RNF213: variants seen among roughly 807,000 people sequenced by gnomAD.
RNF213 encodes the protein ring finger protein 213, also known as E3 ubiquitin-protein ligase RNF213.
Under a neutral mutation model 514.4 loss-of-function variants are expected in RNF213, and 341 were observed. The observed-to-expected ratio is 0.66, with a 90% CI of 0.61 to 0.73. The LOEUF (loss-of-function observed/expected upper bound fraction) is 0.73, where lower values mean the gene tolerates loss of function less well. Ranked by LOEUF, RNF213 falls within the 30% of genes least tolerant of loss-of-function variation. RNF213 has a pLI of 0.00. For synonymous variants in RNF213, 2,655 were observed against 2,658.2 expected, an observed-to-expected ratio of 1.00 and a Z score of 0.04; for missense variants, 5,767 against 6,615.6, an observed-to-expected ratio of 0.87 and a Z score of 4.45.
chr17:80,331,390 CTT>C lies in RNF213; in HGVS notation c.3518-601_3518-600del, dbSNP rs35912728. On this transcript the variant is annotated intron_variant, in intron 20 of 67. Transcript: ENST00000582970. ...TCCTCCTGTCCTTGTCAGTTTATGA[CTT>C]TTTTTTTTTTTTTTGATATGGAGTC... Among the ~76,000 whole-genome samples, 1,083 of 136,302 alleles carry C rather than the reference CTT, an allele frequency of 7.9e-3. 13 individuals carry two copies. Among genetic ancestry groups the C allele is most frequent in the African/African-American group, 0.028 (1,021 of 36,732 alleles). The allele number at this position is 136,302 out of a possible 152,430, so 89.4% of individuals were successfully genotyped here.
At chr17:80,274,123 G>A (rs979371700) in intron 3 of RNF213, among the ~76,000 whole-genome samples, 6 of 152,138 alleles carry the variant, frequency 3.9e-5, no homozygotes, top group Admixed American at 3.9e-4. Flanking sequence ...TTGCGCTTCT[G>A]TAGGCCTCTG....
chr17:80,374,622 A>C, intron 50 of RNF213, 33 bp downstream of exon 50: 2 of 1,612,994 alleles, frequency 1.2e-6, no homozygotes, highest in South Asian at 2.2e-5. Flanking sequence ...CTCTGATACC[A>C]GGTGGCATCC....
At chr17:80,392,988 C>CT (rs138848873) in intron 67 of RNF213, among the ~76,000 whole-genome samples, 6,490 of 148,596 alleles carry the variant, frequency 0.044, 207 homozygotes, top group Middle Eastern at 0.085. Context: ...ATATGGGAGC[C>CT]TTTTTTTTTG....
chr17:80,263,907 T>A lies in RNF213; in HGVS notation c.97+129T>A. On this transcript the variant is annotated intron_variant, in intron 2 of 67. Transcript: ENST00000582970. The surrounding 1 kb of genome is among the most constrained non-coding windows in gnomAD (Gnocchi z 4.9). ...TGGGGCCGAGGTCCTCTGTGGCTACTGAGGCTCTGTGGCTCTGAATAGCCA... is the reference window on the plus strand; with the variant it reads ...TGGGGCCGAGGTCCTCTGTGGCTACAGAGGCTCTGTGGCTCTGAATAGCCA... 1 of 712,978 alleles carries A rather than the reference T, an allele frequency of 1.4e-6. No homozygotes were observed. Among genetic ancestry groups the A allele is most frequent in the Non-Finnish European group, 2.5e-6 (1 of 404,784 alleles). 44.2% of individuals were successfully genotyped at this position (712,978 alleles called of 1,614,324 possible).
intron 46 of RNF213, 74 bp downstream of exon 46, chr17:80,369,941 T>G: frequency 1.9e-6 from 2 of 1,069,766 alleles, no homozygotes; most frequent in East Asian, 2.4e-5. Context: ...TGTTACCAAG[T>G]CTTCTTGTCG....
chr17:80,340,415 C>T, intron 26 of RNF213, 59 bp downstream of exon 26: 4 of 1,490,084 alleles, frequency 2.7e-6, no homozygotes, highest in Non-Finnish European at 2.7e-6. Flanking sequence ...GGGGCCCTTC[C>T]CCCCTCCAGC....
chr17:80,274,300 C>A (rs776634492), intron 3 of RNF213, among the ~76,000 whole-genome samples: 2 of 151,702 alleles, frequency 1.3e-5, no homozygotes, highest in Admixed American at 6.6e-5. Flanking sequence ...CAAGAGAATG[C>A]GTCCTTGTTA....
intron 11 of RNF213, among the ~76,000 whole-genome samples, chr17:80,301,448 A>T (rs1171028026): frequency 6.6e-6 from 1 of 152,182 alleles, no homozygotes; most frequent in Non-Finnish European, 1.5e-5. Flanking sequence ...AGGAACTCAA[A>T]CAAGTGAACA....
rs754833690 is a variant in RNF213 at position 80,388,649 on chromosome 17, A to T, written c.14960A>T (p.Tyr4987Phe). Residue 4987 changes from tyrosine to phenylalanine, a missense_variant, in exon 64 of 68, where the codon TAT becomes TTT. By Grantham distance (22) the Tyr-to-Phe change is conservative (BLOSUM62 3). This residue lies in a region of RNF213 where 1,245 missense variants were observed against 1,339.0 expected (regional missense o/e 0.93). Transcript: ENST00000582970. Reference protein sequence around the residue: ...PTLVYRHDWNYEHLFMDIKNK... With the variant: ...PTLVYRHDWNFEHLFMDIKNK... ...CTGGTGTACAGACACGACTGGAACT[A>T]TGAACATCTCTTTATGGACATCAAG... is the stretch of plus-strand genomic sequence containing the variant. 6.2e-7 allele frequency: 1 copy of T among 1,613,180 alleles called. No homozygotes were observed. Among genetic ancestry groups the T allele is most frequent in the East Asian group, 2.2e-5 (1 of 44,890 alleles).
chr17:80,272,492 G>A (rs1037844027), intron 2 of RNF213, among the ~76,000 whole-genome samples: 3 of 152,220 alleles, frequency 2.0e-5, no homozygotes, highest in East Asian at 1.9e-4. Flanking sequence ...CCCACCTGGC[G>A]GGTGCTAATC....
At chr17:80,331,546 G>T (rs984776272) in intron 20 of RNF213, among the ~76,000 whole-genome samples, 1 of 151,808 alleles carries the variant, frequency 6.6e-6, no homozygotes, top group Non-Finnish European at 1.5e-5. Context: ...GCTCCACCAC[G>T]CCTGGCTAAT....
At chr17:80,293,867 CG>C (rs1386985110) in intron 8 of RNF213, among the ~76,000 whole-genome samples, 1 of 151,072 alleles carries the variant, frequency 6.6e-6, no homozygotes, top group African/African-American at 2.4e-5. Context: ...ACCTGGAGGT[CG>C]GCAGAAGCTT....
At chr17:80,359,355 A>T (rs528371533) in intron 37 of RNF213, among the ~76,000 whole-genome samples, 1 of 152,006 alleles carries the variant, frequency 6.6e-6, no homozygotes, top group African/African-American at 2.4e-5. Context: ...GTGAGACCCC[A>T]TCACTACAAA....
intron 52 of RNF213, 150 bp downstream of exon 52, chr17:80,376,693 G>A: frequency 7.9e-7 from 1 of 1,269,266 alleles, no homozygotes; most frequent in Non-Finnish European, 1.1e-6. Flanking sequence ...GAGCACACAA[G>A]ATAGTGACAG....
rs1183156285 is a variant in RNF213, at chr17:80,376,563, C to G, written c.13428+20C>G. 1 of 1,613,682 alleles carries G rather than the reference C, an allele frequency of 6.2e-7. No homozygotes were observed. The highest frequency in any genetic ancestry group is 1.3e-5 in the African/African-American group (1 of 74,922). On this transcript the variant is annotated intron_variant, in intron 52 of 67. Coordinates refer to ENST00000582970, the MANE Select transcript of RNF213 (RefSeq NM_001256071.3). ...ATGGCGGTAAGAGTAGGCCACAATT[C>G]CATCGGCCTTCACTGGAACACCCCC... is the stretch of plus-strand genomic sequence containing the variant.
intron 17 of RNF213, 160 bp downstream of exon 17, chr17:80,319,472 G>A: frequency 6.2e-7 from 1 of 1,614,162 alleles, no homozygotes; most frequent in Non-Finnish European, 8.5e-7. Context: ...CAATGGCGCT[G>A]AAATCTAGTT....
rs901058351 is a variant in RNF213 at position 80,264,282 on chromosome 17, G to T, written c.97+504G>T. 1.3e-5 allele frequency among the ~76,000 whole-genome samples: 2 copies of T among 152,182 alleles called. No individual in the cohort carries two copies. The highest frequency in any genetic ancestry group is 2.9e-5 in the Non-Finnish European group (2 of 68,026). ...GAAGCAGAGTTTGAGGCTCTGCAGGGGTTGAGAGCTCTGCCTGGGTTAGTT... is the reference window on the plus strand; with the variant it reads ...GAAGCAGAGTTTGAGGCTCTGCAGGTGTTGAGAGCTCTGCCTGGGTTAGTT... On this transcript the variant is annotated intron_variant, in intron 2 of 67. Transcript: ENST00000582970. The surrounding 1 kb of genome is among the most constrained non-coding windows in gnomAD (Gnocchi z 5.0).
rs1022498369 is a variant in RNF213 at position 80,345,154 on chromosome 17, C to T, written c.6819C>T (p.Ser2273=). ...CATCACTCCACACCTCTGACCAAAG[C>T]CCGGGGAAGCACATGGTCACCATGG... ...ATPSLHTSDQ[S]PGKHMVTMDG... is the part of the protein sequence containing the mutation. The change falls in exon 29 of 68, where the codon AGC becomes AGT. Residue 2273 remains serine, a synonymous_variant. Coordinates refer to ENST00000582970, the MANE Select transcript of RNF213 (RefSeq NM_001256071.3). The surrounding 1 kb of genome is among the most constrained non-coding windows in gnomAD (Gnocchi z 6.0). 3 of 1,613,948 alleles carry T rather than the reference C, an allele frequency of 1.9e-6. No homozygotes were observed. Among genetic ancestry groups the T allele is most frequent in the Non-Finnish European group, 2.5e-6 (3 of 1,180,012 alleles).
chr17:80,370,552 TCAC>T (rs1300525026), intron 46 of RNF213, among the ~76,000 whole-genome samples: 3 of 152,220 alleles, frequency 2.0e-5, no homozygotes, highest in African/African-American at 7.2e-5. Context: ...ATTGTTTTCT[TCAC>T]CGCCATGCAC....
Sources: allele counts gnomAD v4.1 joint callset (sites outside exome capture counted in the v4.1 genomes callset), GRCh38; gene constraint gnomAD v4.1.1; regional missense constraint gnomAD v4.1.1; non-coding constraint Gnocchi (gnomAD v3.1); transcripts MANE v1.5; gene names NCBI Gene and HGNC (gene_info 2026-07-23, HGNC 2026-07-21).